Variants in STOX2 observed in about 807,000 individuals in gnomAD.
STOX2 encodes storkhead-box protein 2.
Under a neutral mutation model 60.9 loss-of-function variants are expected in STOX2, and 28 were observed. That is an observed-to-expected ratio of 0.46 (90% CI 0.34 to 0.63). The LOEUF is 0.63. Among genes scored for constraint, STOX2 ranks in the 30% least tolerant of loss-of-function variants. The probability of loss-of-function intolerance (pLI) is 0.01; values close to 1 mark genes in which losing one functional copy is unlikely to be tolerated. For synonymous variants in STOX2, 472 were observed against 463.9 expected (o/e 1.02, Z -0.22); for missense variants, 1,024 against 1,187.7 (o/e 0.86, Z 2.03).
intron 1 of STOX2, among the ~76,000 whole-genome samples, chr4:183,866,178 C>T (rs1740562465): frequency 6.6e-6 from 1 of 152,076 alleles, no homozygotes; most frequent in Non-Finnish European, 1.5e-5. Flanking sequence ...CTCTTGTTGT[C>T]CCCCTTCAAG....
intron 2 of STOX2, among the ~76,000 whole-genome samples, chr4:184,002,430 A>T (rs1489195591): frequency 2.0e-5 from 3 of 152,232 alleles, no homozygotes; most frequent in Non-Finnish European, 4.4e-5. Flanking sequence ...TTTGCTACAA[A>T]AATGCTGGGT....
intron 1 of STOX2, among the ~76,000 whole-genome samples, chr4:183,953,846 A>G (rs886153616): frequency 2.0e-5 from 3 of 152,104 alleles, no homozygotes; most frequent in Non-Finnish European, 2.9e-5. Context: ...GATTATGGGC[A>G]TGAGCCACCA....
chr4:184,011,309 T>G lies in STOX2; in HGVS notation c.2471T>G (p.Leu824Arg). ...LQRKFEKNLT[L>R]LAPKETDSSS... ...AGGAAATTTGAAAAGAACCTCACCC[T>G]TCTTGCTCCAAAAGAAACCGACAGC... Residue 824 changes from leucine (L) to arginine (R), a missense_variant, in exon 3 of 4, where the codon CTT becomes CGT. By Grantham distance (102) the Leu-to-Arg change is moderately radical. Coordinates refer to ENST00000308497, the MANE Select transcript of STOX2 (RefSeq NM_020225.3). This position sits in a 1 kb window ranked among gnomAD's most constrained non-coding sequence, Gnocchi z 4.4. 2 of 1,614,000 alleles carry G rather than the reference T, an allele frequency of 1.2e-6. No homozygotes were observed. Among genetic ancestry groups the G allele is most frequent in the Non-Finnish European group, 1.7e-6 (2 of 1,179,890 alleles).
At chr4:183,884,913 G>C (rs1180237992) in intron 1 of STOX2, among the ~76,000 whole-genome samples, 1 of 152,170 alleles carries the variant, frequency 6.6e-6, no homozygotes, top group African/African-American at 2.4e-5. Context: ...CTTGGTGAAT[G>C]AGCCAACTGG....
intron 1 of STOX2, among the ~76,000 whole-genome samples, chr4:183,884,668 T>C (rs1741039656): frequency 6.6e-6 from 1 of 152,170 alleles, no homozygotes; most frequent in South Asian, 2.1e-4. Context: ...AGGTGTTGAA[T>C]GAATATCCCA....
intron 1 of STOX2, among the ~76,000 whole-genome samples, chr4:183,942,501 T>C (rs190560947): frequency 1.3e-5 from 2 of 152,232 alleles, no homozygotes; most frequent in Non-Finnish European, 2.9e-5. Flanking sequence ...CCTGAGCTCA[T>C]CCCCATTTCA....
intron 1 of STOX2, among the ~76,000 whole-genome samples, chr4:183,880,171 G>T (rs1380419152): frequency 6.6e-6 from 1 of 151,934 alleles, no homozygotes; most frequent in Non-Finnish European, 1.5e-5. Flanking sequence ...AAGTAGAGAC[G>T]GGGTATCACT....
At chr4:183,828,922 G>C (rs1479373637) in intron 1 of STOX2, among the ~76,000 whole-genome samples, 1 of 152,216 alleles carries the variant, frequency 6.6e-6, no homozygotes, top group Admixed American at 6.5e-5. Context: ...ACGGACGCCA[G>C]ACCTGGTGCT....
intron 1 of STOX2, among the ~76,000 whole-genome samples, chr4:183,932,646 A>G (rs1742472636): frequency 6.6e-6 from 1 of 151,948 alleles, no homozygotes; most frequent in South Asian, 2.1e-4. Context: ...GAAGATCTTG[A>G]GCACCTAGAC....
intron 1 of STOX2, among the ~76,000 whole-genome samples, chr4:183,951,989 G>A (rs910927649): frequency 6.6e-6 from 1 of 152,050 alleles, no homozygotes; most frequent in African/African-American, 2.4e-5. Flanking sequence ...TTCACTCTCC[G>A]ATGCTCTCTC....
At chr4:183,832,942 A>G (rs918782926) in intron 1 of STOX2, among the ~76,000 whole-genome samples, 9 of 152,218 alleles carry the variant, frequency 5.9e-5, no homozygotes, top group African/African-American at 1.9e-4. Flanking sequence ...ACCAAACACT[A>G]CAGATTCCGT....
At chr4:183,799,510 ATGTTT>A (rs1426564090) in intron 1 of STOX2, among the ~76,000 whole-genome samples, 1 of 152,146 alleles carries the variant, frequency 6.6e-6, no homozygotes, top group Non-Finnish European at 1.5e-5. Flanking sequence ...ACACTTTTTA[ATGTTT>A]TATTTTGCAT....
chr4:183,946,132 G>A (rs1356549425), intron 1 of STOX2, among the ~76,000 whole-genome samples: 1 of 152,160 alleles, frequency 6.6e-6, no homozygotes, highest in East Asian at 1.9e-4. Context: ...TGAATTCAGG[G>A]TCACACTTTT....
intron 1 of STOX2, among the ~76,000 whole-genome samples, chr4:183,841,831 T>C (rs997552538): frequency 6.6e-6 from 1 of 152,116 alleles, no homozygotes; most frequent in African/African-American, 2.4e-5. Flanking sequence ...TATTGGAAAA[T>C]AGTGGGTAAG....
Position 184,011,637 on chromosome 4 carries a change from T to G in STOX2, c.2585+214T>G. ...TGTAGAGATCACCAATCTGGACTGG[T>G]GGGTTGGCTCCTCCCCTCAAACTTG... is the stretch of plus-strand genomic sequence containing the variant. On this transcript the variant is annotated intron_variant, in intron 3 of 3. Transcript: ENST00000308497. The surrounding 1 kb of genome is among the most constrained non-coding windows in gnomAD (Gnocchi z 4.4). The G allele has an allele frequency of 6.6e-7, 1 of 1,508,822 alleles. No individual in the cohort carries two copies. The highest frequency in any genetic ancestry group is 8.8e-7 in the Non-Finnish European group (1 of 1,132,742). The allele number at this position is 1,508,822 out of a possible 1,614,324, so 93.5% of individuals were successfully genotyped here.
chr4:183,849,448 G>A (rs938797388), intron 1 of STOX2, among the ~76,000 whole-genome samples: 2 of 152,206 alleles, frequency 1.3e-5, no homozygotes, highest in African/African-American at 4.8e-5. Context: ...GAAGGATGTA[G>A]CTTCGTAGGA....
At chr4:183,840,431 G>A (rs1461914577) in intron 1 of STOX2, among the ~76,000 whole-genome samples, 3 of 152,178 alleles carry the variant, frequency 2.0e-5, no homozygotes, top group South Asian at 2.1e-4. Context: ...GGGGGCAAGC[G>A]AAGAATGGCA....
intron 1 of STOX2, among the ~76,000 whole-genome samples, chr4:183,804,648 A>C: frequency 6.6e-6 from 1 of 152,258 alleles, no homozygotes; most frequent in Admixed American, 6.5e-5. Flanking sequence ...CTCTTACATT[A>C]AAATCTCAGG....
In STOX2 at chr4:184,001,475, C is replaced by A. The variant is rs1286242105; in HGVS notation, c.317C>A (p.Pro106Gln). The A allele has an allele frequency of 1.9e-6, 3 of 1,613,548 alleles. No individual in the cohort carries two copies. The highest frequency in any genetic ancestry group is 1.1e-5 in the South Asian group (1 of 91,032). The stretch of plus-strand genomic sequence containing the variant: ...ATGGAGCACCTGACCACGTGCTTCC[C>A]AGGTAACGAGGCGGGAACGTAGCAC... Reference protein sequence around the residue: ...ALMEHLTTCFPGVPTPSQEIL... With the variant: ...ALMEHLTTCFQGVPTPSQEIL... The change falls in exon 2 of 4, where the codon CCA becomes CAA. Residue 106 changes from proline (P) to glutamine (Q), a missense_variant and splice_region_variant. This residue lies in a region of STOX2 where 922 missense variants were observed against 1,058.3 expected (regional missense o/e 0.87). Transcript: ENST00000308497. The surrounding 1 kb of genome is among the most constrained non-coding windows in gnomAD (Gnocchi z 4.2).
Sources: allele counts gnomAD v4.1 joint callset (sites outside exome capture counted in the v4.1 genomes callset), GRCh38; gene constraint gnomAD v4.1.1; regional missense constraint gnomAD v4.1.1; non-coding constraint Gnocchi (gnomAD v3.1); transcripts MANE v1.5; gene names NCBI Gene and HGNC (gene_info 2026-07-23, HGNC 2026-07-21).